Variants in ARHGAP44 observed in about 807,000 individuals in gnomAD.
ARHGAP44 encodes the protein Rho GTPase activating protein 44.
Under a neutral mutation model 106.8 loss-of-function variants are expected in ARHGAP44, and 43 were observed. That is an observed-to-expected ratio of 0.40 (90% CI 0.32 to 0.52). The LOEUF (loss-of-function observed/expected upper bound fraction) is 0.52. Among genes scored for constraint, ARHGAP44 ranks in the 20% least tolerant of loss-of-function variants. The pLI is 0.48. For missense variants in ARHGAP44, 866 were observed against 1,050.5 expected, an observed-to-expected ratio of 0.82 and a Z score of 2.43; for synonymous variants, 439 against 410.3, an observed-to-expected ratio of 1.07 and a Z score of -0.85.
At chr17:12,903,678 T>C (rs1238377928) in intron 3 of ARHGAP44, among the ~76,000 whole-genome samples, 1 of 152,134 alleles carries the variant, frequency 6.6e-6, no homozygotes, top group Non-Finnish European at 1.5e-5. Flanking sequence ...TGATTTCTGA[T>C]ATTTTGGTGC....
chr17:12,947,033 C>G lies in ARHGAP44; in HGVS notation c.862-2107C>G, dbSNP rs1281274636. Among the ~76,000 whole-genome samples, 7 of 152,250 alleles carry G rather than the reference C, an allele frequency of 4.6e-5. No individual in the cohort carries two copies. The East Asian group carries it at 1.2e-3, about 25-fold the overall frequency. The stretch of plus-strand genomic sequence containing the variant: ...TAGTAACAAATAGGTTCAAGTTTCC[C>G]CTAGCCTAAAACAATATATCTCTTT... On this transcript the variant is annotated intron_variant, in intron 10 of 20. Coordinates refer to ENST00000379672, the MANE Select transcript of ARHGAP44 (RefSeq NM_014859.6).
chr17:12,841,277 A>G (rs954431114), intron 1 of ARHGAP44, among the ~76,000 whole-genome samples: 11 of 152,118 alleles, frequency 7.2e-5, no homozygotes, highest in Non-Finnish European at 1.2e-4. Context: ...TGGATTACCA[A>G]TGCCTTTTAA....
Position 12,888,378 on chromosome 17 carries a change from C to T in ARHGAP44, c.54-6562C>T, listed in dbSNP as rs144045169. ...TTATTTAAAAGTTGTTTAGTTTCCA[C>T]GTATTTGAAAATTTTCTTCTTATGC... On this transcript the variant is annotated intron_variant, in intron 1 of 20. Coordinates refer to ENST00000379672, the MANE Select transcript of ARHGAP44 (RefSeq NM_014859.6). Among the ~76,000 whole-genome samples the T allele has an allele frequency of 3.9e-3, 595 of 152,224 alleles. 5 individuals are homozygous for T. Among genetic ancestry groups the T allele is most frequent in the African/African-American group, 0.014 (564 of 41,552 alleles).
At position 12,802,753 on chromosome 17, in the gene ARHGAP44, CTT is replaced by C. The variant is rs869172678; in HGVS notation, c.53+12884_53+12885del. ...CAAAGTAGTCCATTCTTTTTTATTT[CTT>C]TTTTTTTTTTTTTTTTTTTTTGATA... On this transcript the variant is annotated intron_variant, in intron 1 of 20. Coordinates refer to ENST00000379672, the MANE Select transcript of ARHGAP44 (RefSeq NM_014859.6). 5.5e-5 allele frequency among the ~76,000 whole-genome samples: 6 copies of C among 108,706 alleles called. No homozygotes were observed. In the East Asian group the frequency reaches 9.7e-4, roughly 18 times the overall value. 71.3% of individuals were successfully genotyped at this position (108,706 alleles called of 152,430 possible). A position where few individuals can be genotyped will look rare whatever the true frequency, so the allele number is the denominator to read the frequency against.
chr17:12,879,887 A>G (rs974339287), intron 1 of ARHGAP44, among the ~76,000 whole-genome samples: 1 of 151,958 alleles, frequency 6.6e-6, no homozygotes, highest in African/African-American at 2.4e-5. Context: ...ATTAACACAT[A>G]TTTTGTATAT....
intron 5 of ARHGAP44, 47 bp downstream of exon 5, chr17:12,916,058 G>C: frequency 7.0e-7 from 1 of 1,433,062 alleles, no homozygotes; most frequent in Non-Finnish European, 9.8e-7. Context: ...AGGAGGTACC[G>C]AACAGGAGCC....
intron 16 of ARHGAP44, 177 bp downstream of exon 16, chr17:12,959,074 G>C: frequency 1.4e-6 from 1 of 739,362 alleles, no homozygotes; most frequent in East Asian, 2.8e-5. Context: ...TTGGCTTGCC[G>C]CCCTTTAGAC....
intron 1 of ARHGAP44, among the ~76,000 whole-genome samples, chr17:12,863,888 G>A (rs1348188356): frequency 6.6e-6 from 1 of 152,228 alleles, no homozygotes; most frequent in African/African-American, 2.4e-5. Flanking sequence ...TGGGGCTGGT[G>A]TCATTTGGAG....
intron 1 of ARHGAP44, among the ~76,000 whole-genome samples, chr17:12,859,900 C>T (rs1189217052): frequency 2.0e-5 from 3 of 152,018 alleles, no homozygotes; most frequent in Admixed American, 6.6e-5. Flanking sequence ...CAACACGTGG[C>T]AGAAGTTCAC....
chr17:12,956,866 AACACAC>A (rs3076699), intron 15 of ARHGAP44, 120 bp downstream of exon 15: 236,148 of 620,882 alleles, frequency 0.38, 35,626 homozygotes, highest in East Asian at 0.51. Context: ...TTCCCCTATA[AACACAC>A]ACACACACAC....
At chr17:12,823,395 T>C (rs2079557) in intron 1 of ARHGAP44, among the ~76,000 whole-genome samples, 49,077 of 151,974 alleles carry the variant, frequency 0.32, 10,142 homozygotes, top group African/African-American at 0.59. Flanking sequence ...CTCAAACTTC[T>C]CCAGTCCTTT....
chr17:12,793,556 A>G (rs2033828875), intron 1 of ARHGAP44, among the ~76,000 whole-genome samples: 1 of 152,140 alleles, frequency 6.6e-6, no homozygotes, highest in African/African-American at 2.4e-5. Context: ...AAAAATACAA[A>G]AATTAGCTGG....
Position 12,958,669 on chromosome 17 carries a change from G to T in ARHGAP44, c.1343-48G>T. 1 of 1,581,182 alleles carries T rather than the reference G, an allele frequency of 6.3e-7. No individual in the cohort carries two copies. The highest frequency in any genetic ancestry group is 1.1e-5 in the South Asian group (1 of 88,468). On this transcript the variant is annotated intron_variant, in intron 15 of 20. Coordinates refer to ENST00000379672, the MANE Select transcript of ARHGAP44 (RefSeq NM_014859.6). This position sits in a 1 kb window ranked among gnomAD's most constrained non-coding sequence, Gnocchi z 4.1. ...CTCATTCCTCCCCTGCCCAGGAAGGGTGTGGCAGACCAAGAGTTCACATGT... is the reference window on the plus strand; with the variant it reads ...CTCATTCCTCCCCTGCCCAGGAAGGTTGTGGCAGACCAAGAGTTCACATGT...
intron 1 of ARHGAP44, among the ~76,000 whole-genome samples, chr17:12,803,213 C>A (rs1265133651): frequency 1.3e-5 from 2 of 151,678 alleles, no homozygotes; most frequent in East Asian, 3.9e-4. Context: ...CTCAGGTGAT[C>A]CACCCGCCTC....
At chr17:12,902,143 G>A (rs1181641500) in intron 3 of ARHGAP44, among the ~76,000 whole-genome samples, 1 of 152,062 alleles carries the variant, frequency 6.6e-6, no homozygotes. Context: ...CCTTATCTTG[G>A]CCCTTGGAAC....
At chr17:12,903,083 T>TGA (rs67363604) in intron 3 of ARHGAP44, among the ~76,000 whole-genome samples, 3,587 of 70,180 alleles carry the variant, frequency 0.051, 129 homozygotes, top group Non-Finnish European at 0.071. Context: ...AGGGAATATA[T>TGA]GAGAGAGAGA....
At chr17:12,984,403 T>TGTGG in intron 19 of ARHGAP44, 128 bp from the exon 20 acceptor site, 1 of 957,050 alleles carries the variant, frequency 1.0e-6, no homozygotes, top group East Asian at 3.1e-5. Context: ...GGCAGGGAGG[T>TGTGG]GTGGGTGGGT....
At chr17:12,837,018 T>G (rs759723202) in intron 1 of ARHGAP44, among the ~76,000 whole-genome samples, 5 of 152,230 alleles carry the variant, frequency 3.3e-5, no homozygotes, top group Non-Finnish European at 5.9e-5. Flanking sequence ...TCACCAAGGT[T>G]GACCATATTC....
At chr17:12,867,005 T>C (rs1328481923) in intron 1 of ARHGAP44, among the ~76,000 whole-genome samples, 2 of 152,088 alleles carry the variant, frequency 1.3e-5, no homozygotes, top group African/African-American at 4.8e-5. Context: ...AAATAATCCT[T>C]ATCCAAAGTG....
Sources: allele counts gnomAD v4.1 joint callset (sites outside exome capture counted in the v4.1 genomes callset), GRCh38; gene constraint gnomAD v4.1.1; non-coding constraint Gnocchi (gnomAD v3.1); transcripts MANE v1.5; gene names NCBI Gene and HGNC (gene_info 2026-07-23, HGNC 2026-07-21).